CDK7: variants seen among roughly 807,000 people sequenced by gnomAD.
CDK7 encodes cyclin-dependent kinase 7.
Under a neutral mutation model 49.1 loss-of-function variants are expected in CDK7, and 25 were observed. The ratio of observed to expected loss-of-function variants is 0.51; its 90% CI spans 0.37 to 0.71. The LOEUF (loss-of-function observed/expected upper bound fraction) is 0.71. Ranked by LOEUF, CDK7 falls within the 30% of genes least tolerant of loss-of-function variation. The pLI is 0.00. For synonymous variants in CDK7, 107 were observed against 140.0 expected (o/e 0.76, Z 1.67); for missense variants, 316 against 411.7 (o/e 0.77, Z 2.01).
intron 3 of CDK7, among the ~76,000 whole-genome samples, chr5:69,253,358 G>A (rs1324942244): frequency 6.6e-6 from 1 of 151,834 alleles, no homozygotes; most frequent in Non-Finnish European, 1.5e-5. Flanking sequence ...TCTACCTCCC[G>A]GGTTCAAGCG....
intron 2 of CDK7, among the ~76,000 whole-genome samples, chr5:69,248,937 G>A (rs1749949137): frequency 6.6e-6 from 1 of 150,972 alleles, no homozygotes; most frequent in African/African-American, 2.4e-5. Flanking sequence ...CTGAGTAGCT[G>A]GGATTACCAG....
At chr5:69,261,490 C>CTGTGTGTGTGTGTG (rs1168767153) in intron 7 of CDK7, among the ~76,000 whole-genome samples, 3 of 139,542 alleles carry the variant, frequency 2.1e-5, no homozygotes, top group Non-Finnish European at 4.6e-5. Context: ...AAAAGGTTCT[C>CTGTGTGTGTGTGTG]TGTGTGTGTG....
chr5:69,242,902 G>A (rs1312852762), intron 2 of CDK7, among the ~76,000 whole-genome samples: 2 of 152,078 alleles, frequency 1.3e-5, no homozygotes, highest in Non-Finnish European at 2.9e-5. Context: ...AAAATTATCC[G>A]GGCGTGGTGG....
upstream of CDK7, chr5:69,234,860 T>A (rs1038841198): frequency 9.3e-7 from 1 of 1,077,696 alleles, no homozygotes; most frequent in Non-Finnish European, 1.4e-6. Flanking sequence ...GCGGGGATAC[T>A]AAAGCGACGG....
intron 10 of CDK7, among the ~76,000 whole-genome samples, chr5:69,276,178 A>G (rs1222446178): frequency 6.6e-6 from 1 of 151,918 alleles, no homozygotes; most frequent in Admixed American, 6.6e-5. Context: ...ACAGACATGC[A>G]CCACCACGCC....
Position 69,246,721 on chromosome 5 carries a change from A to T in CDK7, c.127-5697A>T, listed in dbSNP as rs115867761. 3.2e-3 allele frequency among the ~76,000 whole-genome samples: 463 copies of T among 144,260 alleles called. 5 individuals are homozygous for T. Among genetic ancestry groups the T allele is most frequent in the African/African-American group, 0.012 (450 of 38,024 alleles). 94.6% of individuals were successfully genotyped at this position (144,260 alleles called of 152,430 possible). On this transcript the variant is annotated intron_variant, in intron 2 of 11. Transcript: ENST00000256443. ...GTTTTGTTTTTGGTTTTTTTTTTTC[A>T]TGTAGGCAGTTACAGCTATAAACTT...
chr5:69,260,551 C>T (rs889416956), intron 7 of CDK7, among the ~76,000 whole-genome samples: 4 of 152,122 alleles, frequency 2.6e-5, no homozygotes, highest in Non-Finnish European at 4.4e-5. Context: ...TCTACCTAAT[C>T]ATCTGATTTA....
At chr5:69,251,192 G>A (rs904518345) in intron 2 of CDK7, among the ~76,000 whole-genome samples, 4 of 151,600 alleles carry the variant, frequency 2.6e-5, no homozygotes, top group African/African-American at 9.7e-5. Context: ...CCGCCTCCTG[G>A]GTTCAAGCGA....
chr5:69,260,045 G>T (rs966823304), intron 7 of CDK7, 109 bp downstream of exon 7: 2 of 728,644 alleles, frequency 2.7e-6, no homozygotes, highest in Non-Finnish European at 4.6e-6. Flanking sequence ...GATAGATACC[G>T]TCTTAAAAAA....
At chr5:69,252,494 CTTTTTTTTTTTTTTTT>C (rs138764556) in intron 3 of CDK7, 43 bp downstream of exon 3, 39 of 364,292 alleles carry the variant, frequency 1.1e-4, no homozygotes, top group African/African-American at 2.2e-4. Context: ...AAGTTTTCTC[CTTTTTTTTTTTTTTTT>C]TTTTTTTTTT....
At chr5:69,253,690 A>G (rs1171451879) in intron 3 of CDK7, among the ~76,000 whole-genome samples, 1 of 152,224 alleles carries the variant, frequency 6.6e-6, no homozygotes, top group Non-Finnish European at 1.5e-5. Context: ...CTTATCACCT[A>G]TATGCTGCAC....
At chr5:69,255,839 T>TG (rs1160118847) in intron 5 of CDK7, 12 of 307,436 alleles carry the variant, frequency 3.9e-5, no homozygotes, top group East Asian at 8.2e-5. Context: ...TTTTTTTTTT[T>TG]TGTGATGGAG....
At chr5:69,248,793 T>TTC (rs559825118) in intron 2 of CDK7, among the ~76,000 whole-genome samples, 12,787 of 130,518 alleles carry the variant, frequency 0.098, 698 homozygotes, top group South Asian at 0.21. Flanking sequence ...TTCTTTTCTT[T>TTC]TTTTTTTTCT....
chr5:69,243,459 A>G (rs1227928452), intron 2 of CDK7, among the ~76,000 whole-genome samples: 3 of 151,780 alleles, frequency 2.0e-5, no homozygotes, highest in Non-Finnish European at 4.4e-5. Context: ...AGATGTATGG[A>G]TTTTTTTCTG....
chr5:69,235,299 G>C (rs2972389), intron 1 of CDK7, 95 bp from the exon 2 acceptor site: 1 of 967,254 alleles, frequency 1.0e-6, no homozygotes, highest in African/African-American at 1.6e-5. Context: ...GTCTGCTCAG[G>C]AACTCTGGGC....
rs534485340 is a variant in CDK7, at chr5:69,263,445, C to G, written c.627+1141C>G. Reference sequence around the variant, plus strand: ...ATAGTGGTGGCTCACGCCTATAGTCCCAGCTACTTGGGAAGCTGAGGTGGG... The same window carrying G: ...ATAGTGGTGGCTCACGCCTATAGTCGCAGCTACTTGGGAAGCTGAGGTGGG... On this transcript the variant is annotated intron_variant, in intron 8 of 11. Transcript: ENST00000256443. 7.2e-5 allele frequency among the ~76,000 whole-genome samples: 11 copies of G among 152,176 alleles called. 2 individuals carry two copies. Among genetic ancestry groups the G allele is most frequent in the East Asian group, 5.8e-4 (3 of 5,188 alleles).
chr5:69,237,677 G>A (rs983772790), intron 2 of CDK7, among the ~76,000 whole-genome samples: 11 of 152,098 alleles, frequency 7.2e-5, no homozygotes, highest in African/African-American at 1.9e-4. Context: ...TCAGCTGGGC[G>A]CGGTGGCTCA....
rs571437558 is a variant in CDK7 at position 69,258,556 on chromosome 5, A to AT, written c.408+410dup. ...CCACCACGCCCAGCTAATTTTTTGT[A>AT]TTTTTTTAGTAGAGACGGGGTTTCA... On this transcript the variant is annotated intron_variant, in intron 6 of 11. Transcript: ENST00000256443. Among the ~76,000 whole-genome samples, 602 of 151,590 alleles carry AT rather than the reference A, an allele frequency of 4.0e-3. 19 individuals carry two copies. The highest frequency in any genetic ancestry group is 0.038 in the Admixed American group (574 of 15,200).
intron 2 of CDK7, among the ~76,000 whole-genome samples, chr5:69,250,507 T>C (rs1240454967): frequency 2.0e-5 from 3 of 152,224 alleles, no homozygotes; most frequent in Non-Finnish European, 4.4e-5. Context: ...CAGTGTTCAC[T>C]TAAGGCCCAG....
Sources: allele counts gnomAD v4.1 joint callset (sites outside exome capture counted in the v4.1 genomes callset), GRCh38; gene constraint gnomAD v4.1.1; transcripts MANE v1.5; gene names NCBI Gene and HGNC (gene_info 2026-07-23, HGNC 2026-07-21).